APC: variants seen among roughly 807,000 people sequenced by gnomAD.
The protein encoded by APC is APC regulator of Wnt signaling pathway.
APC carries 72 observed loss-of-function variants against 247.0 expected under a neutral mutation model. The observed-to-expected ratio is 0.29, with a 90% confidence interval of 0.24 to 0.35. The LOEUF is 0.35. APC is among the 10% of genes least tolerant of loss of function. APC has a pLI of 1.00. For synonymous variants in APC, 1,254 were observed against 1,162.5 expected (o/e 1.08, Z -1.60); for missense variants, 3,400 against 3,360.7 (o/e 1.01, Z -0.29).
chr5:112,786,043 A>C (rs922456333), intron 6 of APC, among the ~76,000 whole-genome samples: 3 of 152,220 alleles, frequency 2.0e-5, no homozygotes, highest in African/African-American at 7.2e-5. Flanking sequence ...ATATCTCTAA[A>C]ATATAAGAAT....
intron 14 of APC, among the ~76,000 whole-genome samples, chr5:112,832,646 G>A (rs553521420): frequency 1.1e-4 from 17 of 152,198 alleles, no homozygotes; most frequent in South Asian, 8.3e-4. Context: ...GTACTCCCGC[G>A]CTGATTCCCA....
At chr5:112,777,345 TTGAG>T (rs1354428142) in intron 5 of APC, among the ~76,000 whole-genome samples, 1 of 152,162 alleles carries the variant, frequency 6.6e-6, no homozygotes, top group Non-Finnish European at 1.5e-5. Flanking sequence ...GAAGTTCTGA[TTGAG>T]TAATGGCTAT....
rs1554087905 is a variant in APC at position 112,842,603 on chromosome 5, A to C, written c.7009A>C (p.Ser2337Arg). 1 of 1,613,826 alleles carries C rather than the reference A, an allele frequency of 6.2e-7. No individual in the cohort carries two copies. The highest frequency in any genetic ancestry group is 1.1e-5 in the South Asian group (1 of 91,080). ...NSISPGRNGI[S>R]PPNKLSQLPR... ...AATTTCCCCTGGTAGAAATGGAATA[A>C]GTCCTCCTAACAAATTATCTCAACT... Residue 2337 changes from serine (S) to arginine (R), a missense_variant, in exon 16 of 16, where the codon AGT becomes CGT. Around this residue, in one of 9 missense-constraint regions of APC, gnomAD observed 1,788 missense variants for 1,649.5 expected, o/e 1.08. Transcript: ENST00000257430.
intron 9 of APC, among the ~76,000 whole-genome samples, chr5:112,816,946 G>A (rs79631752): frequency 2.3e-4 from 35 of 151,608 alleles, no homozygotes; most frequent in African/African-American, 7.0e-4. Flanking sequence ...TTGGCTCACT[G>A]CAACCCCCAC....
At chr5:112,800,542 T>C (rs73791483) in intron 7 of APC, among the ~76,000 whole-genome samples, 4,471 of 152,260 alleles carry the variant, frequency 0.029, 225 homozygotes, top group African/African-American at 0.1. Context: ...ATTTTTAATG[T>C]ATAATTTTTA....
chr5:112,748,861 T>C (rs1753972863), intron 1 of APC, among the ~76,000 whole-genome samples: 1 of 152,112 alleles, frequency 6.6e-6, no homozygotes, highest in African/African-American at 2.4e-5. Flanking sequence ...GCTGGGCATG[T>C]TGGCTTGTGT....
chr5:112,788,678 G>A (rs999535584), intron 6 of APC, among the ~76,000 whole-genome samples: 1 of 151,874 alleles, frequency 6.6e-6, no homozygotes, highest in Non-Finnish European at 1.5e-5. Flanking sequence ...TTCTTCACAG[G>A]GGTCTTACAT....
intron 6 of APC, among the ~76,000 whole-genome samples, chr5:112,789,356 G>C (rs1355632827): frequency 1.3e-5 from 2 of 152,134 alleles, no homozygotes; most frequent in Non-Finnish European, 2.9e-5. Context: ...TTGGGTTTTG[G>C]ATTTTTGTAT....
intron 8 of APC, among the ~76,000 whole-genome samples, chr5:112,803,140 G>A (rs1008652837): frequency 1.3e-5 from 2 of 152,086 alleles, no homozygotes; most frequent in African/African-American, 2.4e-5. Context: ...CAGTAATGGT[G>A]AGCAAACAGG....
intron 8 of APC, among the ~76,000 whole-genome samples, chr5:112,813,009 A>G (rs1762138633): frequency 6.6e-6 from 1 of 152,166 alleles, no homozygotes; most frequent in African/African-American, 2.4e-5. Context: ...CAGACCCACA[A>G]AGGAAGTAGA....
intron 1 of APC, among the ~76,000 whole-genome samples, chr5:112,710,817 C>T (rs1012737764): frequency 2.6e-5 from 4 of 152,188 alleles, no homozygotes; most frequent in African/African-American, 9.7e-5. Flanking sequence ...AGATTTCATT[C>T]TGTATCTATA....
intron 6 of APC, among the ~76,000 whole-genome samples, chr5:112,787,118 C>T (rs1759046900): frequency 6.6e-6 from 1 of 152,086 alleles, no homozygotes; most frequent in East Asian, 1.9e-4. Flanking sequence ...GAACTCCTGA[C>T]CTCAGGTGAT....
intron 6 of APC, among the ~76,000 whole-genome samples, chr5:112,786,246 A>C (rs904774098): frequency 6.8e-6 from 1 of 147,668 alleles, no homozygotes; most frequent in Non-Finnish European, 1.5e-5. Context: ...TGTACATCGC[A>C]CCTGCCTAAC....
At position 112,826,185 on chromosome 5, in the gene APC, A is replaced by G. The variant is rs545769174; in HGVS notation, c.1409-923A>G. Among the ~76,000 whole-genome samples, 19 of 152,350 alleles carry G rather than the reference A, an allele frequency of 1.2e-4. No individual in the cohort carries two copies. The South Asian group carries it at 3.1e-3, about 25-fold the overall frequency. On this transcript the variant is annotated intron_variant, in intron 11 of 15. Coordinates refer to ENST00000257430, the MANE Select transcript of APC (RefSeq NM_000038.6). ...AACGTACTGGCTGTCTTGCAGATGA[A>G]TGACCTAATTAGACTTGTAGTATCC...
chr5:112,804,340 A>G (rs150694379), intron 8 of APC, among the ~76,000 whole-genome samples: 1 of 152,324 alleles, frequency 6.6e-6, no homozygotes, highest in African/African-American at 2.4e-5. Context: ...TACCTGGCAG[A>G]GAGCATTTAT....
At chr5:112,793,356 C>T (rs1034670450) in intron 7 of APC, among the ~76,000 whole-genome samples, 7 of 152,102 alleles carry the variant, frequency 4.6e-5, no homozygotes, top group African/African-American at 1.4e-4. Context: ...GGCATCCAGG[C>T]TTATAATCTC....
rs747992044 is a variant in APC, at chr5:112,767,345, G to T, written c.377G>T (p.Gly126Val). 3.1e-6 allele frequency: 5 copies of T among 1,614,140 alleles called. No homozygotes were observed. In the Admixed American group the frequency reaches 8.3e-5, roughly 27 times the overall value. Residue 126 changes from glycine to valine, a missense_variant, in exon 4 of 16, where the codon GGA becomes GTA. Physicochemically the swap from Gly to Val is moderately radical, Grantham distance 109. This residue lies in a region of APC where 372 missense variants were observed against 367.6 expected (regional missense o/e 1.01). Transcript: ENST00000257430. ...GSFPRRGFVN[G>V]SRESTGYLEE... ...TTTCCAAGAAGAGGGTTTGTAAATG[G>T]AAGCAGAGAAAGTACTGGATATTTA...
rs1561542004 is a variant in APC at position 112,819,277 on chromosome 5, T to C, written c.1245T>C (p.Ala415=). 6.2e-7 allele frequency: 1 copy of C among 1,614,054 alleles called. No individual in the cohort carries two copies. Among genetic ancestry groups the C allele is most frequent in the Middle Eastern group, 1.7e-4 (1 of 6,060 alleles). The change falls in exon 10 of 16, where the codon GCT becomes GCC. Residue 415 remains alanine (A), a synonymous_variant. Coordinates refer to ENST00000257430, the MANE Select transcript of APC (RefSeq NM_000038.6). ...TTCATCTTTTGGAACAGATACGCGC[T>C]TACTGTGAAACCTGTTGGGAGTGGC... is the stretch of plus-strand genomic sequence containing the variant. ...RVLHLLEQIR[A]YCETCWEWQE...
intron 1 of APC, among the ~76,000 whole-genome samples, chr5:112,727,305 C>A (rs1751842009): frequency 6.6e-6 from 1 of 151,656 alleles, no homozygotes; most frequent in Admixed American, 6.6e-5. Flanking sequence ...GTAGCAAGAC[C>A]AAGGAAAGAC....
Sources: gnomAD v4.1 joint callset for allele counts (sites outside exome capture counted in the v4.1 genomes callset) on GRCh38, gnomAD v4.1.1 for gene constraint, gnomAD v4.1.1 regional missense constraint, MANE v1.5 for transcripts, NCBI Gene and HGNC (gene_info 2026-07-23, HGNC 2026-07-21) for gene names.